Variants in CPQ observed in about 807,000 individuals in gnomAD.
CPQ encodes carboxypeptidase Q.
CPQ carries 37 observed loss-of-function variants against 45.7 expected under a neutral mutation model. The ratio of observed to expected loss-of-function variants is 0.81; its 90% confidence interval spans 0.62 to 1.07. The LOEUF (loss-of-function observed/expected upper bound fraction) is 1.07, where lower values mean the gene tolerates loss of function less well. Ranked by LOEUF, CPQ falls within the 50% of genes least tolerant of loss-of-function variation. The probability of loss-of-function intolerance (pLI) is 0.00; values close to 1 mark genes in which losing one functional copy is unlikely to be tolerated. For missense variants in CPQ, 537 were observed against 572.9 expected (o/e 0.94, Z 0.64); for synonymous variants, 186 against 205.8 (o/e 0.90, Z 0.82).
At chr8:97,039,619 G>A (rs922040072) in intron 6 of CPQ, among the ~76,000 whole-genome samples, 33 of 151,810 alleles carry the variant, frequency 2.2e-4, no homozygotes, top group African/African-American at 7.5e-4. Context: ...ATCTCCTAAT[G>A]CTATCCCTCC....
intron 6 of CPQ, among the ~76,000 whole-genome samples, chr8:97,037,759 A>G (rs1195733403): frequency 6.6e-6 from 1 of 152,186 alleles, no homozygotes; most frequent in African/African-American, 2.4e-5. Context: ...GAATTCCATT[A>G]TGACTAGGGG....
intron 3 of CPQ, among the ~76,000 whole-genome samples, chr8:96,854,555 A>C (rs200954900): frequency 0.052 from 2,933 of 56,470 alleles, 628 homozygotes; most frequent in African/African-American, 0.16. Flanking sequence ...AAAAAAAAAA[A>C]AAAATGTGGT....
At chr8:96,805,283 T>C (rs1811064545) in intron 2 of CPQ, among the ~76,000 whole-genome samples, 2 of 152,348 alleles carry the variant, frequency 1.3e-5, no homozygotes, top group East Asian at 3.9e-4. Context: ...CTGGTTTTTT[T>C]CCCTATGCAT....
At chr8:96,899,992 T>A (rs1812494742) in intron 4 of CPQ, among the ~76,000 whole-genome samples, 1 of 152,160 alleles carries the variant, frequency 6.6e-6, no homozygotes, top group South Asian at 2.1e-4. Flanking sequence ...ATGGTCCTTT[T>A]GTTGTTGTTT....
At chr8:96,688,660 C>T (rs1302780897) in intron 1 of CPQ, among the ~76,000 whole-genome samples, 1 of 152,130 alleles carries the variant, frequency 6.6e-6, no homozygotes, top group Non-Finnish European at 1.5e-5. Context: ...ACTCCTACTG[C>T]AAAATTGACG....
intron 1 of CPQ, among the ~76,000 whole-genome samples, chr8:96,655,361 C>G (rs1428097922): frequency 6.6e-6 from 1 of 152,140 alleles, no homozygotes; most frequent in Admixed American, 6.5e-5. Flanking sequence ...TTGAAGATTT[C>G]TATTGCATTT....
At chr8:96,719,234 G>T (rs1184798909) in intron 1 of CPQ, among the ~76,000 whole-genome samples, 1 of 152,244 alleles carries the variant, frequency 6.6e-6, no homozygotes, top group East Asian at 1.9e-4. Context: ...CTGCCCCGCA[G>T]GAAGGCAGCT....
chr8:97,079,436 TATCTC>T (rs1340560434), intron 7 of CPQ, among the ~76,000 whole-genome samples: 1 of 152,218 alleles, frequency 6.6e-6, no homozygotes. Context: ...ATGCTTTACT[TATCTC>T]ATAATTTCAT....
intron 6 of CPQ, among the ~76,000 whole-genome samples, chr8:97,039,388 GT>G (rs1346364022): frequency 4.6e-5 from 7 of 150,798 alleles, no homozygotes; most frequent in African/African-American, 1.7e-4. Context: ...TTGTCCATTG[GT>G]TTGCTTACAC....
chr8:97,029,966 C>G (rs1032987924), intron 6 of CPQ, among the ~76,000 whole-genome samples: 1 of 152,126 alleles, frequency 6.6e-6, no homozygotes, highest in African/African-American at 2.4e-5. Context: ...AGGCCTCTGT[C>G]CCAGGAATGT....
Position 96,850,568 on chromosome 8 carries a change from A to AT in CPQ, c.641+15392dup, listed in dbSNP as rs869040003. Among the ~76,000 whole-genome samples the AT allele has an allele frequency of 3.5e-5, 5 of 142,590 alleles. No individual in the cohort carries two copies. In the South Asian group the frequency reaches 6.5e-4, roughly 18 times the overall value. The allele number at this position is 142,590 out of a possible 152,430, so 93.5% of individuals were successfully genotyped here. A position where few individuals can be genotyped will look rare whatever the true frequency, so the allele number is the denominator to read the frequency against. On this transcript the variant is annotated intron_variant, in intron 3 of 7. Transcript: ENST00000220763. Reference sequence around the variant, plus strand: ...AGGTGTTACACTGATTTTTATTTTTATTTTATTTTATTTTATTTTATTTAT... The same window carrying AT: ...AGGTGTTACACTGATTTTTATTTTTATTTTTATTTTATTTTATTTTATTTAT...
Position 97,123,010 on chromosome 8 carries a change from AAAATAAAATAAAAT to A in CPQ, c.1256-19992_1256-19979del, listed in dbSNP as rs1563587029. 1.6e-3 allele frequency among the ~76,000 whole-genome samples: 85 copies of A among 53,788 alleles called. 4 individuals are homozygous for A. Among genetic ancestry groups the A allele is most frequent in the Admixed American group, 2.6e-3 (8 of 3,086 alleles). The allele number at this position is 53,788 out of a possible 152,430, so 35.3% of individuals were successfully genotyped here. A position where few individuals can be genotyped will look rare whatever the true frequency, so the allele number is the denominator to read the frequency against. ...AATAAAATAAAATAAAATATAAAAT[AAAATAAAATAAAAT>A]AAATAAAATAAAATAAAATAAATAA... On this transcript the variant is annotated intron_variant, in intron 7 of 7. Transcript: ENST00000220763.
Position 96,895,834 on chromosome 8 carries a change from A to T in CPQ, c.849+15829A>T, listed in dbSNP as rs189635757. Among the ~76,000 whole-genome samples, 210 of 152,270 alleles carry T rather than the reference A, an allele frequency of 1.4e-3. 2 individuals are homozygous for T. Among genetic ancestry groups the T allele is most frequent in the Admixed American group, 0.01 (157 of 15,272 alleles). On this transcript the variant is annotated intron_variant, in intron 4 of 7. Transcript: ENST00000220763. ...CTTAATTTAAGGTTAAACTAATTTA[A>T]TGTCATGTGAATTTTTAGCAGCAAT...
chr8:96,847,420 A>T (rs1293775247), intron 3 of CPQ, among the ~76,000 whole-genome samples: 2 of 152,158 alleles, frequency 1.3e-5, no homozygotes, highest in Non-Finnish European at 2.9e-5. Flanking sequence ...TGATCACTTC[A>T]TGGGTTTTTA....
chr8:96,673,554 T>C (rs1809034366), intron 1 of CPQ, among the ~76,000 whole-genome samples: 1 of 152,180 alleles, frequency 6.6e-6, no homozygotes, highest in Non-Finnish European at 1.5e-5. Flanking sequence ...TAGCCTCTGA[T>C]ACTTTTGTTA....
At chr8:96,995,600 G>T (rs1184308850) in intron 5 of CPQ, among the ~76,000 whole-genome samples, 1 of 151,212 alleles carries the variant, frequency 6.6e-6, no homozygotes, top group Non-Finnish European at 1.5e-5. Context: ...GATAGCAGCT[G>T]AATAGTTAGA....
At chr8:96,741,569 G>A (rs974734970) in intron 1 of CPQ, among the ~76,000 whole-genome samples, 14 of 151,448 alleles carry the variant, frequency 9.2e-5, no homozygotes, top group East Asian at 1.9e-4. Flanking sequence ...GTGATGTTAG[G>A]GTGTCAATTT....
chr8:96,871,913 T>A (rs1262937628), intron 3 of CPQ, among the ~76,000 whole-genome samples: 1 of 151,850 alleles, frequency 6.6e-6, no homozygotes, highest in East Asian at 1.9e-4. Context: ...ACAAATTATT[T>A]TTTCTTTTTT....
intron 1 of CPQ, among the ~76,000 whole-genome samples, chr8:96,655,845 T>G (rs1815632074): frequency 6.6e-6 from 1 of 152,218 alleles, no homozygotes; most frequent in Non-Finnish European, 1.5e-5. Context: ...ACCGTCTATA[T>G]TTGTAATCCT....
Sources: allele counts gnomAD v4.1 joint callset (sites outside exome capture counted in the v4.1 genomes callset), GRCh38; gene constraint gnomAD v4.1.1; transcripts MANE v1.5; gene names NCBI Gene and HGNC (gene_info 2026-07-23, HGNC 2026-07-21).